Variants in CDH22 observed in about 807,000 individuals in gnomAD.
The protein encoded by CDH22 is cadherin-22.
Under a neutral mutation model 58.4 loss-of-function variants are expected in CDH22, and 30 were observed. The ratio of observed to expected loss-of-function variants is 0.51; its 90% CI spans 0.38 to 0.70. The LOEUF is 0.70. Ranked by LOEUF, CDH22 falls within the 30% of genes least tolerant of loss-of-function variation. The probability of loss-of-function intolerance (pLI) is 0.00; values close to 1 mark genes in which losing one functional copy is unlikely to be tolerated. For synonymous variants in CDH22, 513 were observed against 558.2 expected (o/e 0.92, Z 1.14); for missense variants, 1,014 against 1,233.9 (o/e 0.82, Z 2.67).
intron 7 of CDH22, among the ~76,000 whole-genome samples, chr20:46,200,443 T>TA (rs2085951428): frequency 6.8e-6 from 1 of 147,224 alleles, no homozygotes; most frequent in Non-Finnish European, 1.5e-5. Flanking sequence ...CACGCCCAGC[T>TA]AATTTTTTTT....
intron 1 of CDH22, among the ~76,000 whole-genome samples, chr20:46,278,706 C>T (rs2086533763): frequency 1.3e-5 from 2 of 152,146 alleles, no homozygotes; most frequent in Non-Finnish European, 2.9e-5. Flanking sequence ...ACCTCAGCCT[C>T]CCAAGTAACT....
intron 6 of CDH22, among the ~76,000 whole-genome samples, chr20:46,211,150 C>T (rs1305142737): frequency 1.3e-5 from 2 of 152,182 alleles, no homozygotes; most frequent in East Asian, 3.9e-4. Context: ...TGAGCCTGTG[C>T]TTCTTATCGG....
chr20:46,240,324 T>C (rs186798610), intron 3 of CDH22, among the ~76,000 whole-genome samples: 10,172 of 151,942 alleles, frequency 0.067, 972 homozygotes, highest in African/African-American at 0.21. Context: ...TGCCTGGGGT[T>C]GTGTGTGGCT....
chr20:46,235,501 T>C (rs1416949808), intron 3 of CDH22, among the ~76,000 whole-genome samples: 1 of 152,224 alleles, frequency 6.6e-6, no homozygotes, highest in Admixed American at 6.5e-5. Flanking sequence ...CCTTGACATA[T>C]GAACTTGGAT....
At chr20:46,214,836 TTC>T (rs1319116426) in intron 5 of CDH22, among the ~76,000 whole-genome samples, 1 of 152,254 alleles carries the variant, frequency 6.6e-6, no homozygotes, top group African/African-American at 2.4e-5. Flanking sequence ...TACTCTCATT[TTC>T]TGTTTATTCT....
chr20:46,291,015 C>T (rs1388810366), intron 1 of CDH22, among the ~76,000 whole-genome samples: 3 of 152,192 alleles, frequency 2.0e-5, no homozygotes, highest in Non-Finnish European at 2.9e-5. Flanking sequence ...TGGTGGCTCA[C>T]TCCTGTAATC....
At chr20:46,258,904 C>T (rs2145745538) in intron 1 of CDH22, among the ~76,000 whole-genome samples, 1 of 152,316 alleles carries the variant, frequency 6.6e-6, no homozygotes, top group East Asian at 1.9e-4. Flanking sequence ...TCCAGGAGAT[C>T]CCTGTGGTAG....
At chr20:46,200,191 G>A (rs2085948057) in intron 7 of CDH22, among the ~76,000 whole-genome samples, 1 of 151,732 alleles carries the variant, frequency 6.6e-6, no homozygotes, top group Non-Finnish European at 1.5e-5. Flanking sequence ...AGCCAGGATG[G>A]TCTTGATCTC....
intron 10 of CDH22, among the ~76,000 whole-genome samples, chr20:46,186,170 T>C (rs1478023182): frequency 7.2e-6 from 1 of 139,294 alleles, no homozygotes; most frequent in East Asian, 2.1e-4. Flanking sequence ...GCCACTGCAC[T>C]CCAGCCTGGC....
chr20:46,265,084 T>A (rs1227441783), intron 1 of CDH22, among the ~76,000 whole-genome samples: 1 of 152,196 alleles, frequency 6.6e-6, no homozygotes, highest in Non-Finnish European at 1.5e-5. Flanking sequence ...GTACATCATG[T>A]TGACAGTAGA....
At chr20:46,181,744 C>CTTTCTTTCTTTCTTTCTTTCT (rs1555800208) in intron 10 of CDH22, among the ~76,000 whole-genome samples, 6 of 30,744 alleles carry the variant, frequency 2.0e-4, no homozygotes, top group Non-Finnish European at 4.0e-4. Context: ...TCCTTCCTTC[C>CTTTCTTTCTTTCTTTCTTTCT]TTCCTTCCTT....
chr20:46,304,788 ACCCCC>A (rs2086667015), intron 1 of CDH22, among the ~76,000 whole-genome samples: 2 of 152,052 alleles, frequency 1.3e-5, no homozygotes, highest in Non-Finnish European at 2.9e-5. Flanking sequence ...TATATCCTTA[ACCCCC>A]AGATGGGCCA....
chr20:46,181,947 G>T (rs1209266158), intron 10 of CDH22, among the ~76,000 whole-genome samples: 2 of 151,684 alleles, frequency 1.3e-5, no homozygotes, highest in Admixed American at 1.3e-4. Context: ...CTCCTAAGGA[G>T]CTGGGATTAC....
In CDH22 at chr20:46,285,119, C is replaced by T. The variant is rs113124146; in HGVS notation, c.-400+23136G>A. On this transcript the variant is annotated intron_variant, in intron 1 of 11. Transcript: ENST00000537909. Reference sequence around the variant, plus strand: ...ACTCATTGGTTCCCATGTTTAGCTGCATTCTGGGAAGCTTGCCTTTGCATG... The same window carrying T: ...ACTCATTGGTTCCCATGTTTAGCTGTATTCTGGGAAGCTTGCCTTTGCATG... Among the ~76,000 whole-genome samples the T allele has an allele frequency of 7.5e-3, 1,140 of 152,308 alleles. 8 individuals are homozygous for T. The highest frequency in any genetic ancestry group is 0.026 in the African/African-American group (1,080 of 41,562).
In CDH22 at chr20:46,200,315, C is replaced by A. The variant is rs143224623; in HGVS notation, c.1287-756G>T. Among the ~76,000 whole-genome samples, 466 of 151,850 alleles carry A rather than the reference C, an allele frequency of 3.1e-3. 6 individuals are homozygous for A. Among genetic ancestry groups the A allele is most frequent in the African/African-American group, 0.01 (432 of 41,388 alleles). On this transcript the variant is annotated intron_variant, in intron 7 of 11. Transcript: ENST00000537909. ...CTTTAGCCAGGGTCTCACTCTGTTA[C>A]CCTGGGTAGAGTGCAATGGTGCCAT...
chr20:46,266,504 G>A (rs1165176174), intron 1 of CDH22, among the ~76,000 whole-genome samples: 1 of 152,192 alleles, frequency 6.6e-6, no homozygotes, highest in Admixed American at 6.5e-5. Context: ...GAGACCCCAG[G>A]AGCATGTGTG....
Position 46,200,188 on chromosome 20 carries a change from A to C in CDH22, c.1287-629T>G, listed in dbSNP as rs373684725. Among the ~76,000 whole-genome samples, 8 of 151,196 alleles carry C rather than the reference A, an allele frequency of 5.3e-5. No individual in the cohort carries two copies. In the East Asian group the frequency reaches 1.6e-3, roughly 30 times the overall value. On this transcript the variant is annotated intron_variant, in intron 7 of 11. Transcript: ENST00000537909. ...ACGGGGTTTCACCGTGTTAGCCAGGATGGTCTTGATCTCCTGACCTCGTGA... is the reference window on the plus strand; with the variant it reads ...ACGGGGTTTCACCGTGTTAGCCAGGCTGGTCTTGATCTCCTGACCTCGTGA...
At chr20:46,282,910 C>T (rs1353769766) in intron 1 of CDH22, among the ~76,000 whole-genome samples, 2 of 152,150 alleles carry the variant, frequency 1.3e-5, no homozygotes, top group East Asian at 3.9e-4. Context: ...TTCAGGAAGG[C>T]GGGCTCTTCA....
chr20:46,276,537 C>A (rs1458542175), intron 1 of CDH22, among the ~76,000 whole-genome samples: 2 of 152,122 alleles, frequency 1.3e-5, no homozygotes, highest in Non-Finnish European at 2.9e-5. Context: ...GATATTTGTG[C>A]CAGGAAGGGC....
Sources: gnomAD v4.1 joint callset for allele counts (sites outside exome capture counted in the v4.1 genomes callset) on GRCh38, gnomAD v4.1.1 for gene constraint, MANE v1.5 for transcripts, NCBI Gene and HGNC (gene_info 2026-07-23, HGNC 2026-07-21) for gene names.